Variants in ANKRD30B observed in about 807,000 individuals in gnomAD.
The protein encoded by ANKRD30B is ankyrin repeat domain-containing protein 30B.
In ANKRD30B, 144 loss-of-function variants were observed where a neutral mutation model predicts 202.2. The observed-to-expected ratio is 0.71, with a 90% confidence interval of 0.62 to 0.82. The LOEUF is 0.82. ANKRD30B is among the 40% of genes least tolerant of loss of function. ANKRD30B has a pLI of 0.00. For synonymous variants in ANKRD30B, 508 were observed against 561.3 expected, an observed-to-expected ratio of 0.91 and a Z score of 1.34; for missense variants, 1,487 against 1,669.1, an observed-to-expected ratio of 0.89 and a Z score of 1.90.
chr18:14,902,778 T>C, the ANKRD30B span, among the ~76,000 whole-genome samples: 2 of 152,306 alleles, frequency 1.3e-5, no homozygotes, highest in East Asian at 3.9e-4. Flanking sequence ...CTAGGCCCCC[T>C]ACTAGGTACC....
chr18:14,829,328 C>G (rs907560899), intron 33 of ANKRD30B, among the ~76,000 whole-genome samples: 51 of 151,970 alleles, frequency 3.4e-4, no homozygotes, highest in African/African-American at 1.2e-3. Context: ...TAAGAGGTAG[C>G]AGAAGTAATA....
At chr18:14,927,351 A>G in the ANKRD30B span, among the ~76,000 whole-genome samples, 3 of 152,314 alleles carry the variant, frequency 2.0e-5, no homozygotes, top group Admixed American at 2.0e-4. Flanking sequence ...CTATGTGCAG[A>G]TGACCTAATA....
the ANKRD30B span, among the ~76,000 whole-genome samples, chr18:14,925,762 C>T: frequency 6.6e-6 from 1 of 152,172 alleles, no homozygotes; most frequent in Non-Finnish European, 1.5e-5. Context: ...CAGAGCTCCA[C>T]CTTGCTGAGC....
intron 24 of ANKRD30B, chr18:14,808,239 C>A: frequency 5.8e-6 from 2 of 347,280 alleles, no homozygotes; most frequent in South Asian, 2.5e-5. Context: ...AATTCAACTT[C>A]TTTCCCTATA....
intron 7 of ANKRD30B, among the ~76,000 whole-genome samples, chr18:14,764,451 G>C (rs1018389438): frequency 6.6e-6 from 1 of 151,930 alleles, no homozygotes; most frequent in Non-Finnish European, 1.5e-5. Flanking sequence ...GTGCAATGGC[G>C]CGAGCGATCT....
chr18:14,865,452 G>A, the ANKRD30B span, among the ~76,000 whole-genome samples: 6 of 146,436 alleles, frequency 4.1e-5, no homozygotes, highest in Non-Finnish European at 6.0e-5. Flanking sequence ...TCTCCCCACC[G>A]TATTTTTGCA....
At chr18:14,875,112 C>T in the ANKRD30B span, among the ~76,000 whole-genome samples, 27 of 152,256 alleles carry the variant, frequency 1.8e-4, no homozygotes, top group South Asian at 4.4e-3. Flanking sequence ...AGGAATCAAT[C>T]GCAGACTGTG....
chr18:14,893,904 G>A, the ANKRD30B span, among the ~76,000 whole-genome samples: 1 of 150,390 alleles, frequency 6.6e-6, no homozygotes, highest in Non-Finnish European at 1.5e-5. Context: ...TTACATAGAT[G>A]CATCAAATTG....
chr18:14,907,159 A>G, the ANKRD30B span, among the ~76,000 whole-genome samples: 1 of 152,130 alleles, frequency 6.6e-6, no homozygotes, highest in South Asian at 2.1e-4. Context: ...GCTGGAGAGT[A>G]TAATGAGGCA....
At chr18:14,767,961 A>G (rs1331444093) in intron 7 of ANKRD30B, among the ~76,000 whole-genome samples, 2 of 152,196 alleles carry the variant, frequency 1.3e-5, no homozygotes, top group Non-Finnish European at 2.9e-5. Context: ...CTGGCGTACA[A>G]CTCATAGAAT....
chr18:14,923,004 T>C, the ANKRD30B span, among the ~76,000 whole-genome samples: 1 of 152,154 alleles, frequency 6.6e-6, no homozygotes, highest in East Asian at 1.9e-4. Flanking sequence ...AGACACATCC[T>C]GGGCCAGGAA....
chr18:14,890,127 G>T, the ANKRD30B span: 2 of 878,182 alleles, frequency 2.3e-6, no homozygotes, highest in Non-Finnish European at 3.7e-6. Flanking sequence ...TCAGGTATTC[G>T]TTCAGCTTTG....
At chr18:14,824,953 G>T (rs556213167) in intron 32 of ANKRD30B, among the ~76,000 whole-genome samples, 31 of 152,220 alleles carry the variant, frequency 2.0e-4, no homozygotes, top group Admixed American at 1.4e-3. Flanking sequence ...CATAACCATG[G>T]GTTGTGGAAT....
chr18:14,938,582 T>C, the ANKRD30B span, among the ~76,000 whole-genome samples: 3 of 152,188 alleles, frequency 2.0e-5, no homozygotes. Flanking sequence ...ATTTGCAGTT[T>C]TCAACTGACC....
At position 14,811,619 on chromosome 18, in the gene ANKRD30B, G is replaced by A. The variant is rs1299753605; in HGVS notation, c.2488+1439G>A. Reference sequence around the variant, plus strand: ...TTTAAACATTTTCCAACATGTGTACGTGGTCATATTTAATACATAAAATTT... The same window carrying A: ...TTTAAACATTTTCCAACATGTGTACATGGTCATATTTAATACATAAAATTT... On this transcript the variant is annotated intron_variant, in intron 28 of 43. Transcript: ENST00000690538. Among the ~76,000 whole-genome samples, 3 of 119,266 alleles carry A rather than the reference G, an allele frequency of 2.5e-5. No individual in the cohort carries two copies. The East Asian group carries it at 6.8e-4, about 27-fold the overall frequency. The allele number at this position is 119,266 out of a possible 152,430, so 78.2% of individuals were successfully genotyped here. A position where few individuals can be genotyped will look rare whatever the true frequency, so the allele number is the denominator to read the frequency against.
At chr18:14,799,478 A>T (rs575551730) in intron 22 of ANKRD30B, among the ~76,000 whole-genome samples, 183 bp downstream of exon 22, 5 of 152,254 alleles carry the variant, frequency 3.3e-5, no homozygotes, top group East Asian at 1.9e-4. Flanking sequence ...AGAAATAGGG[A>T]TTTAGAAAAA....
In ANKRD30B at chr18:14,852,263, A is replaced by G. The variant is rs1971920987; in HGVS notation, c.4319A>G (p.His1440Arg). ...RWLRQQLVYA[H>R]KKVNKSKVTI... ...CTTCGACAGCAATTAGTTTATGCAC[A>G]TAAGAAAGTTAACAAAAGCAAGGTA... Residue 1440 changes from histidine (H) to arginine (R), a missense_variant, in exon 42 of 44, where the codon CAT becomes CGT. By Grantham distance (29) the His-to-Arg change is conservative. This residue lies in a region of ANKRD30B where 182 missense variants were observed against 216.0 expected (regional missense o/e 0.84). Transcript: ENST00000690538. The G allele has an allele frequency of 6.4e-7, 1 of 1,550,476 alleles. No homozygotes were observed. The highest frequency in any genetic ancestry group is 1.2e-5 in the South Asian group (1 of 83,736).
chr18:14,781,281 G>A (rs1180171118), intron 11 of ANKRD30B, among the ~76,000 whole-genome samples: 1 of 144,482 alleles, frequency 6.9e-6, no homozygotes, highest in Non-Finnish European at 1.5e-5. Context: ...ACAATGTTCT[G>A]AGTATTCTTT....
At chr18:14,830,262 TC>T (rs1359563525) in intron 33 of ANKRD30B, 1 of 153,844 alleles carries the variant, frequency 6.5e-6, no homozygotes, top group African/African-American at 2.4e-5. Context: ...CTTAGAGAAA[TC>T]CAACTATCAG....
Sources: gnomAD v4.1 joint callset for allele counts (sites outside exome capture counted in the v4.1 genomes callset) on GRCh38, gnomAD v4.1.1 for gene constraint, gnomAD v4.1.1 regional missense constraint, MANE v1.5 for transcripts, NCBI Gene and HGNC (gene_info 2026-07-23, HGNC 2026-07-21) for gene names.